Variants in NUP188 observed in about 807,000 individuals in gnomAD.
NUP188 encodes nucleoporin NUP188.
In NUP188, 97 loss-of-function variants were observed where a neutral mutation model predicts 223.0. The observed-to-expected ratio is 0.43, with a 90% CI of 0.37 to 0.51. The LOEUF (loss-of-function observed/expected upper bound fraction) is 0.51, where lower values mean the gene tolerates loss of function less well. NUP188 is among the 20% of genes least tolerant of loss of function. The pLI is 0.00. For missense variants in NUP188, 1,947 were observed against 2,175.6 expected (o/e 0.89, Z 2.09); for synonymous variants, 869 against 828.0 (o/e 1.05, Z -0.85).
chr9:128,983,253 T>A, intron 17 of NUP188, 40 bp from the exon 18 acceptor site: 1 of 1,551,642 alleles, frequency 6.4e-7, no homozygotes, highest in Non-Finnish European at 8.9e-7. Flanking sequence ...CCAGTTGTAT[T>A]ATTTGCTTTA....
At chr9:128,957,598 G>C (rs1449601199) in intron 5 of NUP188, among the ~76,000 whole-genome samples, 2 of 151,980 alleles carry the variant, frequency 1.3e-5, no homozygotes, top group Admixed American at 1.3e-4. Context: ...CCAAGTAGCT[G>C]GGACTATAGG....
Position 128,947,713 on chromosome 9 carries a change from C to A in NUP188, c.-7C>A, listed in dbSNP as rs1172213609. The A allele has an allele frequency of 2.0e-6, 3 of 1,467,680 alleles. No individual in the cohort carries two copies. Among genetic ancestry groups the A allele is most frequent in the African/African-American group, 2.9e-5 (2 of 69,236 alleles). The allele number at this position is 1,467,680 out of a possible 1,614,324, so 90.9% of individuals were successfully genotyped here. On this transcript the variant is annotated 5_prime_UTR_variant, in exon 1 of 44. Transcript: ENST00000372577. ...GGGGCGGGGTTAGGGCGAGCGGGCG[C>A]GCGAAGATGGCGGCGGCCGCCGGCG...
intron 13 of NUP188, among the ~76,000 whole-genome samples, chr9:128,979,905 T>C: frequency 6.6e-6 from 1 of 152,236 alleles, no homozygotes; most frequent in East Asian, 1.9e-4. Flanking sequence ...GTGCTGGGGT[T>C]ACAGGCGTGA....
intron 24 of NUP188, among the ~76,000 whole-genome samples, chr9:128,989,281 G>A (rs1842381970): frequency 6.6e-6 from 1 of 152,134 alleles, no homozygotes; most frequent in South Asian, 2.1e-4. Flanking sequence ...TATGCCTGTG[G>A]TCCCAGCTAC....
intron 8 of NUP188, chr9:128,964,177 T>G (rs1478055951): frequency 3.7e-6 from 1 of 271,430 alleles, no homozygotes; most frequent in African/African-American, 2.3e-5. Context: ...TTCACGTGCT[T>G]ATTTACTTAC....
rs767515006 is a variant in NUP188 at position 128,993,433 on chromosome 9, A to C, written c.2847+30A>C. On this transcript the variant is annotated intron_variant, in intron 26 of 43. Coordinates refer to ENST00000372577, the MANE Select transcript of NUP188 (RefSeq NM_015354.3). ...GCCTGTAACCTGGGATGACACTGGG[A>C]GTTGGCTCACTGGGAGGCAGATGCT... 20 of 1,612,628 alleles carry C rather than the reference A, an allele frequency of 1.2e-5. No homozygotes were observed. The Admixed American group carries it at 2.3e-4, about 19-fold the overall frequency.
intron 12 of NUP188, among the ~76,000 whole-genome samples, chr9:128,975,362 A>T (rs12347719): frequency 0.046 from 6,635 of 144,438 alleles, 444 homozygotes; most frequent in African/African-American, 0.15. Context: ...TAGCTGGGAC[A>T]ACAGGCGCCT....
chr9:128,953,524 A>G (rs1466684468), intron 3 of NUP188, among the ~76,000 whole-genome samples: 2 of 151,846 alleles, frequency 1.3e-5, no homozygotes, highest in African/African-American at 4.8e-5. Flanking sequence ...TTCCATTTTC[A>G]TTCTCTTAGG....
At chr9:128,998,856 C>CTTTTTTT in intron 32 of NUP188, among the ~76,000 whole-genome samples, 1 of 125,808 alleles carries the variant, frequency 7.9e-6, no homozygotes. Context: ...ACCCCGTATT[C>CTTTTTTT]TTTTTTTTTT....
At chr9:128,969,250 C>T in intron 9 of NUP188, 150 bp from the exon 10 acceptor site, 1 of 575,988 alleles carries the variant, frequency 1.7e-6, no homozygotes, top group Non-Finnish European at 3.1e-6. Context: ...CCTCCCACCT[C>T]TGCCTCTCAA....
chr9:128,979,790 G>A (rs1842230639), intron 13 of NUP188, among the ~76,000 whole-genome samples: 1 of 152,128 alleles, frequency 6.6e-6, no homozygotes, highest in Non-Finnish European at 1.5e-5. Flanking sequence ...CCGCCACCAT[G>A]CCTGGCTAAT....
In NUP188 at chr9:128,980,679, T is replaced by C; in HGVS notation, c.1343T>C (p.Leu448Pro). ...GMFPHLLSPL[L>P]QLLRALVSGK... The stretch of plus-strand genomic sequence containing the variant: ...TTTCCCCACCTTCTCTCCCCACTCC[T>C]GCAACTGCTCCGAGCCCTGGTATCA... Residue 448 changes from leucine (L) to proline (P), a missense_variant, in exon 14 of 44, where the codon CTG (leucine) becomes CCG (proline). By Grantham distance (98) the Leu-to-Pro change is moderately conservative (BLOSUM62 -3). This residue lies in a region of NUP188 where 817 missense variants were observed against 865.8 expected (regional missense o/e 0.94). Coordinates refer to ENST00000372577, the MANE Select transcript of NUP188 (RefSeq NM_015354.3). The C allele has an allele frequency of 6.2e-7, 1 of 1,614,076 alleles. No homozygotes were observed. Among genetic ancestry groups the C allele is most frequent in the Non-Finnish European group, 8.5e-7 (1 of 1,179,978 alleles).
In NUP188 at chr9:128,987,601, C is replaced by A; in HGVS notation, c.2277C>A (p.Ser759Arg). The A allele has an allele frequency of 6.2e-7, 1 of 1,612,796 alleles. No individual in the cohort carries two copies. The highest frequency in any genetic ancestry group is 8.5e-7 in the Non-Finnish European group (1 of 1,179,404). Residue 759 changes from serine to arginine, a missense_variant, in exon 23 of 44, where the codon AGC (serine) becomes AGA (arginine). Ser to Arg is a moderately radical substitution (Grantham distance 110). Coordinates refer to ENST00000372577, the MANE Select transcript of NUP188 (RefSeq NM_015354.3). ...ETDLHSSHTPSLQFLCICSLA... is the reference protein window; with the variant it reads ...ETDLHSSHTPRLQFLCICSLA... ...CTCTGTCTTCCAGTCATACTCCCAG[C>A]CTGCAGTTTCTCTGCATCTGCAGCC...
intron 30 of NUP188, among the ~76,000 whole-genome samples, chr9:128,997,027 A>G (rs1181924554): frequency 6.6e-6 from 1 of 152,214 alleles, no homozygotes; most frequent in Admixed American, 6.5e-5. Flanking sequence ...ATGGTTTCAG[A>G]TAGTGATAAT....
At chr9:128,970,275 G>C (rs554873125) in intron 10 of NUP188, among the ~76,000 whole-genome samples, 1 of 152,204 alleles carries the variant, frequency 6.6e-6, no homozygotes, top group African/African-American at 2.4e-5. Context: ...TCTCAGGTTC[G>C]TCAGTCATCT....
rs1189640424 is a variant in NUP188, at chr9:128,947,766, G to A, written c.32+15G>A. Reference sequence around the variant, plus strand: ...CCGTGTGTGAGGTGCGGAGCGGGTCGAATGGACCGGGGTGGCTGTGAAGCG... The same window carrying A: ...CCGTGTGTGAGGTGCGGAGCGGGTCAAATGGACCGGGGTGGCTGTGAAGCG... On this transcript the variant is annotated intron_variant, in intron 1 of 43. Coordinates refer to ENST00000372577, the MANE Select transcript of NUP188 (RefSeq NM_015354.3). 4 of 1,436,478 alleles carry A rather than the reference G, an allele frequency of 2.8e-6. No individual in the cohort carries two copies. The highest frequency in any genetic ancestry group is 2.8e-5 in the South Asian group (2 of 70,338). The allele number at this position is 1,436,478 out of a possible 1,614,324, so 89.0% of individuals were successfully genotyped here. A position where few individuals can be genotyped will look rare whatever the true frequency, so the allele number is the denominator to read the frequency against.
intron 33 of NUP188, 137 bp from the exon 34 acceptor site, chr9:128,999,487 C>T (rs1347978649): frequency 8.5e-7 from 1 of 1,174,676 alleles, no homozygotes; most frequent in Non-Finnish European, 1.2e-6. Flanking sequence ...GTGTCTCTCC[C>T]TCCTCTCCCA....
intron 8 of NUP188, among the ~76,000 whole-genome samples, chr9:128,961,800 T>C (rs1841959112): frequency 6.6e-6 from 1 of 151,258 alleles, no homozygotes; most frequent in Admixed American, 6.6e-5. Flanking sequence ...TTTGTATTTT[T>C]AGTAGATACA....
intron 8 of NUP188, chr9:128,964,201 A>G: frequency 3.1e-6 from 1 of 320,644 alleles, no homozygotes; most frequent in Non-Finnish European, 6.1e-6. Flanking sequence ...TTCTTCAGTC[A>G]AGTGTCTGTT....
Sources: allele counts gnomAD v4.1 joint callset (sites outside exome capture counted in the v4.1 genomes callset), GRCh38; gene constraint gnomAD v4.1.1; regional missense constraint gnomAD v4.1.1; transcripts MANE v1.5; gene names NCBI Gene and HGNC (gene_info 2026-07-23, HGNC 2026-07-21).